KANK1: variants seen among roughly 807,000 people sequenced by gnomAD.
KANK1 encodes the protein KN motif and ankyrin repeat domain-containing protein 1.
In KANK1, 109 loss-of-function variants were observed where a neutral mutation model predicts 106.2. The ratio of observed to expected loss-of-function variants is 1.03; its 90% CI spans 0.88 to 1.20. The LOEUF is 1.20. KANK1 is among the 50% of genes most tolerant of loss of function. KANK1 has a pLI of 0.00. For missense variants in KANK1, 2,399 were observed against 1,710.7 expected (o/e 1.40, Z -7.10); for synonymous variants, 873 against 652.2 (o/e 1.34, Z -5.16).
intron 2 of KANK1, among the ~76,000 whole-genome samples, chr9:682,418 T>A (rs572825302): frequency 3.0e-4 from 46 of 152,348 alleles, no homozygotes; most frequent in East Asian, 2.3e-3. Flanking sequence ...GCTAACAAAC[T>A]TAAACACAGT....
At chr9:517,889 C>A (rs186053791) in intron 1 of KANK1, among the ~76,000 whole-genome samples, 1 of 151,456 alleles carries the variant, frequency 6.6e-6, no homozygotes, top group East Asian at 1.9e-4. Context: ...CGGAGTCCCC[C>A]ACCATGCCTC....
intron 2 of KANK1, among the ~76,000 whole-genome samples, chr9:685,886 C>A (rs548779519): frequency 6.6e-6 from 1 of 152,276 alleles, no homozygotes; most frequent in East Asian, 1.9e-4. Context: ...AACATTGATT[C>A]AGCTTGTCCT....
chr9:742,152 A>G (rs1413675892), intron 9 of KANK1, 53 bp from the exon 10 acceptor site: 2 of 1,512,682 alleles, frequency 1.3e-6, no homozygotes, highest in Admixed American at 3.4e-5. Flanking sequence ...ACTAGAGGCC[A>G]CCACTGCCAG....
rs200257324 is a variant in KANK1, at chr9:608,025, A to ATTTTTT, written c.-83-68863_-83-68862insTTTTTT. Among the ~76,000 whole-genome samples, 94 of 78,082 alleles carry ATTTTTT rather than the reference A, an allele frequency of 1.2e-3. 2 individuals carry two copies. Among genetic ancestry groups the ATTTTTT allele is most frequent in the Non-Finnish European group, 1.9e-3 (71 of 37,102 alleles). The allele number at this position is 78,082 out of a possible 152,430, so 51.2% of individuals were successfully genotyped here. ...AAAAACTTTCAGAATTATTATTATT[A>ATTTTTT]TTATTATTATTTTTTTTTTTTTTGA... On this transcript the variant is annotated intron_variant, in intron 1 of 11. Transcript: ENST00000382297.
chr9:689,201 A>T (rs1819277955), intron 2 of KANK1, among the ~76,000 whole-genome samples: 1 of 152,222 alleles, frequency 6.6e-6, no homozygotes, highest in Non-Finnish European at 1.5e-5. Flanking sequence ...GGCAATCCAG[A>T]CTGTGAAGAA....
At chr9:595,586 C>T (rs940157183) in intron 1 of KANK1, among the ~76,000 whole-genome samples, 9 of 151,808 alleles carry the variant, frequency 5.9e-5, no homozygotes, top group African/African-American at 1.9e-4. Context: ...AGAGCAGTGG[C>T]GTGATCATTG....
At chr9:482,169 C>T (rs1381841726) in intron 3 of KANK1, among the ~76,000 whole-genome samples, 3 of 152,174 alleles carry the variant, frequency 2.0e-5, no homozygotes, top group African/African-American at 7.2e-5. Context: ...GTACATATCC[C>T]AGCCTCACCG....
At chr9:503,325 G>A (rs1360715880), upstream of KANK1, among the ~76,000 whole-genome samples, 1 of 152,124 alleles carries the variant, frequency 6.6e-6, no homozygotes, top group East Asian at 1.9e-4. Context: ...AGGCCCAGGA[G>A]GAGGAAAGAG....
At chr9:634,798 A>C (rs1211280471) in intron 1 of KANK1, among the ~76,000 whole-genome samples, 1 of 152,202 alleles carries the variant, frequency 6.6e-6, no homozygotes, top group African/African-American at 2.4e-5. Flanking sequence ...CAATGTCATC[A>C]TTTTTGCAAA....
intron 1 of KANK1, among the ~76,000 whole-genome samples, chr9:617,704 C>T (rs1832172323): frequency 1.3e-5 from 2 of 152,198 alleles, no homozygotes; most frequent in Non-Finnish European, 2.9e-5. Flanking sequence ...GATAGGCTGA[C>T]AGTCTGCACC....
intron 3 of KANK1, among the ~76,000 whole-genome samples, chr9:474,908 T>A (rs563499465): frequency 6.1e-4 from 93 of 152,224 alleles, no homozygotes; most frequent in African/African-American, 2.2e-3. Flanking sequence ...TTAGCAATCA[T>A]CTGATGGTGT....
chr9:636,318 A>G (rs1837131054), intron 1 of KANK1, among the ~76,000 whole-genome samples: 1 of 152,186 alleles, frequency 6.6e-6, no homozygotes, highest in Admixed American at 6.5e-5. Context: ...GACTGCTGCC[A>G]TATATTACTG....
In KANK1 at chr9:676,874, C is replaced by G. The variant is rs1012344971; in HGVS notation, c.-83-16C>G. 9.1e-6 allele frequency: 8 copies of G among 876,772 alleles called. No homozygotes were observed. The highest frequency in any genetic ancestry group is 1.3e-5 in the Non-Finnish European group (7 of 532,862). The allele number at this position is 876,772 out of a possible 1,614,324, so 54.3% of individuals were successfully genotyped here. A position where few individuals can be genotyped will look rare whatever the true frequency, so the allele number is the denominator to read the frequency against. ...TTAAATGATCCATTTTGATGGGGCT[C>G]TCTTTATTGTTTCAGGTTGAATGCC... On this transcript the variant is annotated splice_polypyrimidine_tract_variant and intron_variant, in intron 1 of 11. Coordinates refer to ENST00000382297, the MANE Select transcript of KANK1 (RefSeq NM_015158.5).
At chr9:482,732 G>A (rs1313105872) in intron 3 of KANK1, among the ~76,000 whole-genome samples, 1 of 152,220 alleles carries the variant, frequency 6.6e-6, no homozygotes, top group Non-Finnish European at 1.5e-5. Flanking sequence ...GATGTAAGCA[G>A]CTGCCATCTG....
Position 509,159 on chromosome 9 carries a change from G to A in KANK1, c.-84+4405G>A, listed in dbSNP as rs949478295. Among the ~76,000 whole-genome samples the A allele has an allele frequency of 3.9e-5, 6 of 152,158 alleles. No homozygotes were observed. The South Asian group carries it at 1.0e-3, about 26-fold the overall frequency. ...CTGTCACCAGGATGAGTGCAGTGGC[G>A]CGATCTTGACTCACTGGAACCTCTG... On this transcript the variant is annotated intron_variant, in intron 1 of 11. Coordinates refer to ENST00000382297, the MANE Select transcript of KANK1 (RefSeq NM_015158.5).
chr9:576,106 T>G (rs983332236), intron 1 of KANK1, among the ~76,000 whole-genome samples: 20 of 152,216 alleles, frequency 1.3e-4, no homozygotes, highest in African/African-American at 3.9e-4. Flanking sequence ...GGGAACTTAT[T>G]AGAAATTTTA....
chr9:527,180 C>T (rs10974992), intron 1 of KANK1, among the ~76,000 whole-genome samples: 59,206 of 151,410 alleles, frequency 0.39, 13,361 homozygotes, highest in African/African-American at 0.6. Flanking sequence ...TTCCTGAAGG[C>T]GTCCCTTCTG....
chr9:560,138 G>A (rs989338601), intron 1 of KANK1, among the ~76,000 whole-genome samples: 9 of 152,186 alleles, frequency 5.9e-5, no homozygotes, highest in African/African-American at 2.2e-4. Context: ...GGTTAAGTCA[G>A]CATGGGTTTC....
At chr9:658,533 AC>A (rs1842634197) in intron 1 of KANK1, among the ~76,000 whole-genome samples, 1 of 152,006 alleles carries the variant, frequency 6.6e-6, no homozygotes, top group South Asian at 2.1e-4. Flanking sequence ...TATGGCTCTT[AC>A]TTTTGGTATT....
Sources: gnomAD v4.1 joint callset for allele counts (sites outside exome capture counted in the v4.1 genomes callset) on GRCh38, gnomAD v4.1.1 for gene constraint, MANE v1.5 for transcripts, NCBI Gene and HGNC (gene_info 2026-07-23, HGNC 2026-07-21) for gene names.